Variants in SLIT3 observed in about 807,000 individuals in gnomAD.
SLIT3 encodes the protein slit guidance ligand 3, also known as slit homolog 3 protein.
A neutral mutation model predicts 184.0 loss-of-function variants in SLIT3; 68 were observed. That is an observed-to-expected ratio of 0.37 (90% CI 0.30 to 0.45). SLIT3 has a LOEUF of 0.45. Among genes scored for constraint, SLIT3 ranks in the 20% least tolerant of loss-of-function variants. The probability of loss-of-function intolerance (pLI) is 1.00; values close to 1 mark genes in which losing one functional copy is unlikely to be tolerated. For missense variants in SLIT3, 1,707 were observed against 2,026.0 expected, an observed-to-expected ratio of 0.84 and a Z score of 3.02; for synonymous variants, 831 against 828.6, an observed-to-expected ratio of 1.00 and a Z score of -0.05.
At chr5:168,710,526 G>T (rs1379692277) in intron 25 of SLIT3, among the ~76,000 whole-genome samples, 1 of 152,110 alleles carries the variant, frequency 6.6e-6, no homozygotes, top group Non-Finnish European at 1.5e-5. Flanking sequence ...CATTTTGGGG[G>T]GCCAAAACAG....
intron 33 of SLIT3, among the ~76,000 whole-genome samples, chr5:168,671,686 C>T (rs569736108): frequency 1.2e-4 from 18 of 152,182 alleles, no homozygotes; most frequent in Non-Finnish European, 2.1e-4. Context: ...CTTAAAAAAA[C>T]GTGAATTTGT....
At chr5:169,033,157 T>C (rs1443877978) in intron 4 of SLIT3, among the ~76,000 whole-genome samples, 1 of 122,736 alleles carries the variant, frequency 8.1e-6, no homozygotes, top group Non-Finnish European at 1.6e-5. Flanking sequence ...CAGTTGGGTT[T>C]TTGTTTGTTT....
chr5:169,155,733 A>C (rs905164833), intron 4 of SLIT3, among the ~76,000 whole-genome samples: 4 of 152,226 alleles, frequency 2.6e-5, no homozygotes, highest in Non-Finnish European at 4.4e-5. Flanking sequence ...ATAGCCCTCC[A>C]ATTCTCCAAG....
chr5:168,883,720 G>A (rs1028454796), intron 4 of SLIT3, among the ~76,000 whole-genome samples: 3 of 149,720 alleles, frequency 2.0e-5, no homozygotes, highest in East Asian at 2.1e-4. Context: ...CCCACTGTGG[G>A]GTCAACGCCG....
intron 9 of SLIT3, among the ~76,000 whole-genome samples, chr5:168,803,115 G>A (rs766785345): frequency 1.4e-4 from 22 of 152,052 alleles, no homozygotes; most frequent in Non-Finnish European, 3.1e-4. Flanking sequence ...CTTTTATTTT[G>A]CCAATTATGG....
In SLIT3 at chr5:168,687,080, A is replaced by G; in HGVS notation, c.3213T>C (p.Cys1071=). 1 of 1,613,722 alleles carries G rather than the reference A, an allele frequency of 6.2e-7. No individual in the cohort carries two copies. Among genetic ancestry groups the G allele is most frequent in the Non-Finnish European group, 8.5e-7 (1 of 1,179,580 alleles). Residue 1071 remains cysteine (C), a synonymous_variant, in exon 30 of 36, where the codon TGT becomes TGC. Coordinates refer to ENST00000519560, the MANE Select transcript of SLIT3 (RefSeq NM_003062.4). ...ECVPGYSGKL[C]ETDNDDCVAH... ...CCACACAGTCATCATTGTCTGTCTC[A>G]CAGAGCTTCCCGCTGTAGCCAGGGA...
chr5:168,719,274 A>T (rs1381032966), intron 23 of SLIT3, among the ~76,000 whole-genome samples: 1 of 151,762 alleles, frequency 6.6e-6, no homozygotes, highest in Non-Finnish European at 1.5e-5. Flanking sequence ...CTGGTCTTGA[A>T]CTCCTGACTT....
chr5:168,671,385 C>T lies in SLIT3; in HGVS notation c.3940G>A (p.Glu1314Lys), dbSNP rs750966680. The change falls in exon 34 of 36, where the codon GAG becomes AAG. Residue 1314 changes from glutamate to lysine, a missense_variant. By Grantham distance (56) the Glu-to-Lys change is moderately conservative (BLOSUM62 1). This residue lies in a region of SLIT3 where 387 missense variants were observed against 477.9 expected (regional missense o/e 0.81). Coordinates refer to ENST00000519560, the MANE Select transcript of SLIT3 (RefSeq NM_003062.4). Reference protein sequence around the residue: ...GCIHEVRINNELQDFKALPPQ... With the variant: ...GCIHEVRINNKLQDFKALPPQ... The stretch of plus-strand genomic sequence containing the variant: ...GGGAGGGCCTTGAAGTCCTGCAGCT[C>T]GTTGTTGATGCGCACCTCATGGATG... The T allele has an allele frequency of 5.6e-6, 9 of 1,614,084 alleles. No individual in the cohort carries two copies. Among genetic ancestry groups the T allele is most frequent in the East Asian group, 2.2e-5 (1 of 44,866 alleles).
chr5:168,988,524 G>A (rs1027948779), intron 4 of SLIT3, among the ~76,000 whole-genome samples: 7 of 152,112 alleles, frequency 4.6e-5, no homozygotes, highest in Admixed American at 4.6e-4. Flanking sequence ...TGGAGCTGCA[G>A]GGTATAGAAG....
chr5:169,131,221 C>T lies in SLIT3; in HGVS notation c.413+62258G>A, dbSNP rs72832197. ...GCACAAGTTAAAATAGTAAAACATA[C>T]GAAAATCTGTTTGGGGATTACTGAT... On this transcript the variant is annotated intron_variant, in intron 4 of 35. Coordinates refer to ENST00000519560, the MANE Select transcript of SLIT3 (RefSeq NM_003062.4). Among the ~76,000 whole-genome samples the T allele has an allele frequency of 9.2e-5, 14 of 152,260 alleles. No individual in the cohort carries two copies. The East Asian group carries it at 1.5e-3, about 17-fold the overall frequency.
chr5:169,144,572 G>A (rs949045262), intron 4 of SLIT3, among the ~76,000 whole-genome samples: 3 of 152,188 alleles, frequency 2.0e-5, no homozygotes, highest in Non-Finnish European at 1.5e-5. Flanking sequence ...ACAAGTAAGT[G>A]AATGATGGAA....
intron 33 of SLIT3, among the ~76,000 whole-genome samples, chr5:168,672,836 C>T (rs187952777): frequency 1.1e-3 from 162 of 152,228 alleles, no homozygotes; most frequent in East Asian, 4.6e-3. Flanking sequence ...ATTGAACCTC[C>T]GAGGGTTTGA....
intron 4 of SLIT3, among the ~76,000 whole-genome samples, chr5:169,137,395 C>G (rs1334086109): frequency 2.7e-5 from 4 of 150,524 alleles, no homozygotes; most frequent in African/African-American, 9.8e-5. Context: ...GGAAGGGTAT[C>G]TATTTCCGGC....
chr5:168,678,181 T>C (rs779997346), intron 32 of SLIT3, among the ~76,000 whole-genome samples: 1 of 152,216 alleles, frequency 6.6e-6, no homozygotes, highest in Admixed American at 6.5e-5. Flanking sequence ...CGCCTCTTCC[T>C]GGCAACTTTT....
intron 26 of SLIT3, among the ~76,000 whole-genome samples, chr5:168,704,881 C>T (rs972881322): frequency 3.9e-5 from 6 of 152,118 alleles, no homozygotes; most frequent in East Asian, 1.9e-4. Flanking sequence ...CCATCTTAGT[C>T]GCTCTGTTTG....
At chr5:169,151,138 G>A (rs975002106) in intron 4 of SLIT3, among the ~76,000 whole-genome samples, 3 of 152,112 alleles carry the variant, frequency 2.0e-5, no homozygotes, top group African/African-American at 7.2e-5. Context: ...CACCAGGATC[G>A]ACGTTTGAAA....
intron 26 of SLIT3, chr5:168,707,151 T>C (rs11746577): frequency 0.2 from 29,842 of 152,262 alleles, 3,302 homozygotes; most frequent in East Asian, 0.43. Flanking sequence ...ATCACAGCTC[T>C]ACTGCTTACA....
chr5:168,757,696 A>C (rs983001719), intron 16 of SLIT3, among the ~76,000 whole-genome samples: 4 of 152,074 alleles, frequency 2.6e-5, no homozygotes, highest in Non-Finnish European at 5.9e-5. Flanking sequence ...CAGCCTCCCA[A>C]AGTGCTGGGA....
At chr5:169,019,634 C>A (rs1359909187) in intron 4 of SLIT3, among the ~76,000 whole-genome samples, 3 of 152,312 alleles carry the variant, frequency 2.0e-5, no homozygotes, top group East Asian at 1.9e-4. Context: ...CACCTGCTAC[C>A]TCTACCACTT....
Sources: gnomAD v4.1 joint callset for allele counts (sites outside exome capture counted in the v4.1 genomes callset) on GRCh38, gnomAD v4.1.1 for gene constraint, gnomAD v4.1.1 regional missense constraint, MANE v1.5 for transcripts, NCBI Gene and HGNC (gene_info 2026-07-23, HGNC 2026-07-21) for gene names.